The following CNTNAP2 variants were observed in gnomAD, a reference collection of about 807,000 sequenced individuals.
The protein encoded by CNTNAP2 is contactin associated protein 2, also known as contactin-associated protein-like 2.
Under a neutral mutation model 155.2 loss-of-function variants are expected in CNTNAP2, and 98 were observed. The ratio of observed to expected loss-of-function variants is 0.63; its 90% confidence interval spans 0.54 to 0.75. The LOEUF (loss-of-function observed/expected upper bound fraction) is 0.75, where lower values mean the gene tolerates loss of function less well. CNTNAP2 is among the 30% of genes least tolerant of loss of function. The probability of loss-of-function intolerance (pLI) is 0.00; values close to 1 mark genes in which losing one functional copy is unlikely to be tolerated. For synonymous variants in CNTNAP2, 651 were observed against 631.2 expected, an observed-to-expected ratio of 1.03 and a Z score of -0.47; for missense variants, 1,727 against 1,688.1, an observed-to-expected ratio of 1.02 and a Z score of -0.40.
intron 1 of CNTNAP2, among the ~76,000 whole-genome samples, chr7:146,148,891 C>A (rs1797993335): frequency 6.6e-6 from 1 of 152,016 alleles, no homozygotes; most frequent in African/African-American, 2.4e-5. Flanking sequence ...ATAATCTTCA[C>A]CCTCTCTGCC....
chr7:146,197,814 G>A (rs1039528352), intron 1 of CNTNAP2, among the ~76,000 whole-genome samples: 4 of 152,028 alleles, frequency 2.6e-5, no homozygotes, highest in Admixed American at 6.6e-5. Flanking sequence ...AGGTTTTCAG[G>A]TATATTAGCC....
rs543332355 is a variant in CNTNAP2 at position 146,158,635 on chromosome 7, G to A, written c.97+41662G>A. ...AGCCAATTCAATCAAGTGGAAGAAAGGGTACCAGTGATTGAAGATCAAATG... is the reference window on the plus strand; with the variant it reads ...AGCCAATTCAATCAAGTGGAAGAAAAGGTACCAGTGATTGAAGATCAAATG... On this transcript the variant is annotated intron_variant, in intron 1 of 23. Transcript: ENST00000361727. Among the ~76,000 whole-genome samples the A allele has an allele frequency of 3.3e-5, 5 of 152,246 alleles. No individual in the cohort carries two copies. The East Asian group carries it at 9.7e-4, about 29-fold the overall frequency.
intron 15 of CNTNAP2, among the ~76,000 whole-genome samples, chr7:148,020,457 T>A (rs1802259714): frequency 6.6e-6 from 1 of 152,222 alleles, no homozygotes; most frequent in Non-Finnish European, 1.5e-5. Context: ...GTGCAAGTTG[T>A]GATTGGTGAA....
At chr7:147,607,794 GT>G (rs1801101762) in intron 12 of CNTNAP2, among the ~76,000 whole-genome samples, 1 of 152,140 alleles carries the variant, frequency 6.6e-6, no homozygotes, top group African/African-American at 2.4e-5. Flanking sequence ...TACAACTTAA[GT>G]TTAAACTAAC....
chr7:147,451,778 A>C (rs371104738), intron 10 of CNTNAP2, among the ~76,000 whole-genome samples: 1 of 152,288 alleles, frequency 6.6e-6, no homozygotes, highest in South Asian at 2.1e-4. Flanking sequence ...AAAAAAAAAA[A>C]AAACTCACAT....
intron 1 of CNTNAP2, among the ~76,000 whole-genome samples, chr7:146,747,173 T>C (rs1210201109): frequency 6.6e-6 from 1 of 152,198 alleles, no homozygotes; most frequent in Non-Finnish European, 1.5e-5. Flanking sequence ...AATAATCTTT[T>C]GTACTTATAA....
intron 8 of CNTNAP2, among the ~76,000 whole-genome samples, chr7:147,177,835 A>G (rs993778358): frequency 6.6e-6 from 1 of 152,114 alleles, no homozygotes; most frequent in African/African-American, 2.4e-5. Context: ...TAATATCCAA[A>G]AGCAATTATG....
intron 8 of CNTNAP2, among the ~76,000 whole-genome samples, chr7:147,204,433 G>A (rs1486358221): frequency 6.6e-6 from 1 of 152,076 alleles, no homozygotes; most frequent in African/African-American, 2.4e-5. Flanking sequence ...TAGATTAAAT[G>A]TGTGTCTATA....
intron 1 of CNTNAP2, among the ~76,000 whole-genome samples, chr7:146,475,072 A>G (rs1042746930): frequency 1.3e-5 from 2 of 152,182 alleles, no homozygotes; most frequent in African/African-American, 2.4e-5. Context: ...TGTATATGCT[A>G]TATATTTGTG....
At chr7:146,218,495 T>C (rs1466862891) in intron 1 of CNTNAP2, among the ~76,000 whole-genome samples, 1 of 151,232 alleles carries the variant, frequency 6.6e-6, no homozygotes. Context: ...GGTGACAGAG[T>C]GAGACTCTGT....
intron 18 of CNTNAP2, among the ~76,000 whole-genome samples, chr7:148,179,373 G>A (rs751505448): frequency 6.6e-6 from 1 of 152,078 alleles, no homozygotes; most frequent in Non-Finnish European, 1.5e-5. Context: ...CAGGTGTGGT[G>A]GCACATACCT....
intron 10 of CNTNAP2, among the ~76,000 whole-genome samples, chr7:147,404,859 T>A (rs1796979322): frequency 6.6e-6 from 1 of 152,188 alleles, no homozygotes; most frequent in Admixed American, 6.5e-5. Context: ...TTCAAAGTGA[T>A]TTTATTTTAA....
chr7:148,104,260 C>T (rs1164882792), intron 15 of CNTNAP2, among the ~76,000 whole-genome samples: 2 of 152,118 alleles, frequency 1.3e-5, no homozygotes, highest in East Asian at 3.9e-4. Flanking sequence ...ATGAAAAGAG[C>T]ACAAAAAGGA....
intron 1 of CNTNAP2, among the ~76,000 whole-genome samples, chr7:146,237,622 A>T (rs1476155152): frequency 6.6e-6 from 1 of 152,210 alleles, no homozygotes; most frequent in Non-Finnish European, 1.5e-5. Context: ...AATCAGGGCC[A>T]TAAATTTCTG....
chr7:146,625,484 C>A (rs964556285), intron 1 of CNTNAP2, among the ~76,000 whole-genome samples: 2 of 151,924 alleles, frequency 1.3e-5, no homozygotes, highest in African/African-American at 4.8e-5. Context: ...AAAACACAGG[C>A]TTATTATTTG....
At chr7:147,390,786 T>C (rs543721558) in intron 9 of CNTNAP2, among the ~76,000 whole-genome samples, 1 of 152,284 alleles carries the variant, frequency 6.6e-6, no homozygotes, top group South Asian at 2.1e-4. Flanking sequence ...GAGGGAACTA[T>C]ACAGGCCGTA....
intron 13 of CNTNAP2, among the ~76,000 whole-genome samples, chr7:147,870,024 C>G (rs575718138): frequency 2.0e-5 from 3 of 152,232 alleles, no homozygotes; most frequent in South Asian, 4.1e-4. Flanking sequence ...ATTATTACTT[C>G]CATTTAACAG....
At chr7:146,354,772 G>A (rs1363582430) in intron 1 of CNTNAP2, among the ~76,000 whole-genome samples, 2 of 152,036 alleles carry the variant, frequency 1.3e-5, no homozygotes, top group African/African-American at 4.8e-5. Context: ...GGGCAACCTG[G>A]TCTCTTTCTC....
chr7:146,147,049 CTTTAA>C (rs1187574853), intron 1 of CNTNAP2, among the ~76,000 whole-genome samples: 1 of 152,108 alleles, frequency 6.6e-6, no homozygotes, highest in African/African-American at 2.4e-5. Flanking sequence ...TGAATACAGA[CTTTAA>C]TTTAAGACAG....
Sources: allele counts gnomAD v4.1 joint callset (sites outside exome capture counted in the v4.1 genomes callset), GRCh38; gene constraint gnomAD v4.1.1; transcripts MANE v1.5; gene names NCBI Gene and HGNC (gene_info 2026-07-23, HGNC 2026-07-21).